KIAA0825: variants seen among roughly 807,000 people sequenced by gnomAD.
KIAA0825 encodes uncharacterized protein KIAA0825.
KIAA0825 carries 119 observed loss-of-function variants against 147.6 expected under a neutral mutation model. The observed-to-expected ratio is 0.81, with a 90% confidence interval of 0.69 to 0.94. The LOEUF is 0.94. Ranked by LOEUF, KIAA0825 falls within the 40% of genes least tolerant of loss-of-function variation. The pLI is 0.00. For missense variants in KIAA0825, 1,381 were observed against 1,472.7 expected (o/e 0.94, Z 1.02); for synonymous variants, 470 against 518.1 (o/e 0.91, Z 1.26).
At chr5:94,232,149 A>G (rs1423285980) in intron 20 of KIAA0825, among the ~76,000 whole-genome samples, 1 of 152,148 alleles carries the variant, frequency 6.6e-6, no homozygotes, top group East Asian at 1.9e-4. Flanking sequence ...CATTCATTTA[A>G]GAAGGTACAT....
intron 2 of KIAA0825, among the ~76,000 whole-genome samples, chr5:94,548,550 G>A (rs563469075): frequency 1.3e-5 from 2 of 152,234 alleles, no homozygotes; most frequent in South Asian, 4.1e-4. Flanking sequence ...AATAGCAAGA[G>A]TAAGTCCTTA....
intron 20 of KIAA0825, among the ~76,000 whole-genome samples, chr5:94,240,964 C>A (rs897633943): frequency 3.3e-5 from 5 of 151,978 alleles, no homozygotes; most frequent in African/African-American, 1.2e-4. Context: ...TAAAAGGTTG[C>A]CTGGTAAATA....
At chr5:94,559,514 G>A (rs1486320578) in intron 2 of KIAA0825, among the ~76,000 whole-genome samples, 1 of 152,162 alleles carries the variant, frequency 6.6e-6, no homozygotes, top group African/African-American at 2.4e-5. Context: ...AACCAGCCTT[G>A]TATAGAAAAT....
chr5:94,195,591 T>C (rs2150010034), intron 20 of KIAA0825, among the ~76,000 whole-genome samples: 1 of 152,140 alleles, frequency 6.6e-6, no homozygotes, highest in South Asian at 2.1e-4. Context: ...ACAACGTTTT[T>C]TTTTTCTTCT....
intron 2 of KIAA0825, among the ~76,000 whole-genome samples, chr5:94,543,336 A>T (rs1773709503): frequency 6.6e-6 from 1 of 152,152 alleles, no homozygotes; most frequent in African/African-American, 2.4e-5. Context: ...CCAGCTACTC[A>T]GGAGGCTAAG....
chr5:94,170,096 A>G (rs567989693), intron 20 of KIAA0825, among the ~76,000 whole-genome samples: 12 of 152,232 alleles, frequency 7.9e-5, no homozygotes, highest in Admixed American at 2.6e-4. Flanking sequence ...TCAGGAGATC[A>G]AGACCATCCT....
At chr5:94,452,073 A>T (rs1231783330) in intron 13 of KIAA0825, among the ~76,000 whole-genome samples, 1 of 152,248 alleles carries the variant, frequency 6.6e-6, no homozygotes, top group Non-Finnish European at 1.5e-5. Flanking sequence ...CTAGAAATGT[A>T]GACAAAGTTT....
chr5:94,519,142 T>C (rs766683340), intron 5 of KIAA0825: 56 of 800,322 alleles, frequency 7.0e-5, no homozygotes, highest in Non-Finnish European at 8.2e-5. Flanking sequence ...TGCAATGAGA[T>C]ATAGCTTCTG....
intron 14 of KIAA0825, among the ~76,000 whole-genome samples, chr5:94,417,687 A>G (rs1373721409): frequency 6.6e-6 from 1 of 152,118 alleles, no homozygotes; most frequent in Non-Finnish European, 1.5e-5. Flanking sequence ...CTTAAGGAAA[A>G]CTTTTTTGTT....
intron 20 of KIAA0825, among the ~76,000 whole-genome samples, chr5:94,299,236 C>T (rs978147018): frequency 1.3e-5 from 2 of 151,606 alleles, no homozygotes; most frequent in African/African-American, 2.4e-5. Context: ...ATTTTTTTAG[C>T]GACAGAATCT....
intron 14 of KIAA0825, among the ~76,000 whole-genome samples, chr5:94,439,096 A>G (rs1329733354): frequency 1.3e-5 from 2 of 152,166 alleles, no homozygotes; most frequent in Non-Finnish European, 1.5e-5. Context: ...TTTGGGGACA[A>G]CAACTGTTAC....
At chr5:94,291,306 G>A (rs1484324241) in intron 20 of KIAA0825, among the ~76,000 whole-genome samples, 1 of 152,078 alleles carries the variant, frequency 6.6e-6, no homozygotes, top group Non-Finnish European at 1.5e-5. Flanking sequence ...GTAAGGAAGG[G>A]GTCCAGTTTC....
intron 20 of KIAA0825, among the ~76,000 whole-genome samples, chr5:94,260,282 T>G (rs1355232075): frequency 1.3e-5 from 2 of 152,166 alleles, no homozygotes; most frequent in Non-Finnish European, 2.9e-5. Context: ...AGCCTCAATT[T>G]TACAGTAATA....
rs114656526 is a variant in KIAA0825 at position 94,381,520 on chromosome 5, G to A, written c.3710+2848C>T. Among the ~76,000 whole-genome samples, 1,335 of 152,270 alleles carry A rather than the reference G, an allele frequency of 8.8e-3. 26 individuals carry two copies. The highest frequency in any genetic ancestry group is 0.03 in the African/African-American group (1,264 of 41,542). On this transcript the variant is annotated intron_variant, in intron 20 of 20. Coordinates refer to ENST00000682413, the MANE Select transcript of KIAA0825 (RefSeq NM_001145678.3). ...TAGAGATGATTTAAAGTACATGGGTGGATATGCATAGGTTATATGCAAATA... is the reference window on the plus strand; with the variant it reads ...TAGAGATGATTTAAAGTACATGGGTAGATATGCATAGGTTATATGCAAATA...
chr5:94,383,979 G>A (rs565764772), intron 20 of KIAA0825, among the ~76,000 whole-genome samples: 78 of 152,194 alleles, frequency 5.1e-4, no homozygotes, highest in South Asian at 3.1e-3. Flanking sequence ...CATTCATTAA[G>A]TTGTTGTAAA....
intron 2 of KIAA0825, among the ~76,000 whole-genome samples, chr5:94,581,036 G>A (rs535786607): frequency 4.0e-5 from 6 of 151,526 alleles, no homozygotes; most frequent in Non-Finnish European, 8.8e-5. Flanking sequence ...AGGACTACCA[G>A]ATGTAGTTTC....
chr5:94,230,325 A>G (rs1774578737), intron 20 of KIAA0825, among the ~76,000 whole-genome samples: 1 of 152,138 alleles, frequency 6.6e-6, no homozygotes, highest in Non-Finnish European at 1.5e-5. Flanking sequence ...TAGTTTTAGA[A>G]ATAAGTCTTC....
chr5:94,244,798 G>T (rs1268173377), intron 20 of KIAA0825, among the ~76,000 whole-genome samples: 2 of 152,028 alleles, frequency 1.3e-5, no homozygotes, highest in Non-Finnish European at 2.9e-5. Flanking sequence ...CAATTAATAT[G>T]AAATCATATT....
At chr5:94,178,870 C>G (rs1016826719) in intron 20 of KIAA0825, among the ~76,000 whole-genome samples, 1 of 152,026 alleles carries the variant, frequency 6.6e-6, no homozygotes. Context: ...TTTATAAGAG[C>G]TTTATTCACA....
Sources: allele counts gnomAD v4.1 joint callset (sites outside exome capture counted in the v4.1 genomes callset), GRCh38; gene constraint gnomAD v4.1.1; transcripts MANE v1.5; gene names NCBI Gene and HGNC (gene_info 2026-07-23, HGNC 2026-07-21).